CCDC148: variants seen among roughly 807,000 people sequenced by gnomAD.
The protein encoded by CCDC148 is coiled-coil domain containing 148, also known as coiled-coil domain-containing protein 148.
Under a neutral mutation model 85.7 loss-of-function variants are expected in CCDC148, and 89 were observed. That is an observed-to-expected ratio of 1.04 (90% CI 0.87 to 1.24). CCDC148 has a LOEUF of 1.24. CCDC148 is among the 50% of genes most tolerant of loss of function. The pLI is 0.00. For synonymous variants in CCDC148, 230 were observed against 213.9 expected (o/e 1.08, Z -0.66); for missense variants, 692 against 671.7 (o/e 1.03, Z -0.33).
chr2:158,326,106 C>G (rs974619607), intron 7 of CCDC148, among the ~76,000 whole-genome samples: 2 of 152,108 alleles, frequency 1.3e-5, no homozygotes, highest in African/African-American at 4.8e-5. Context: ...TGTCCTGCCC[C>G]CCATCCATAC....
chr2:158,274,739 G>A (rs947064964), intron 9 of CCDC148, among the ~76,000 whole-genome samples: 1 of 152,194 alleles, frequency 6.6e-6, no homozygotes, highest in African/African-American at 2.4e-5. Flanking sequence ...TAGCAGGAAA[G>A]TAACATGGTC....
At chr2:158,303,213 A>C (rs1331795906) in intron 9 of CCDC148, among the ~76,000 whole-genome samples, 9 of 152,224 alleles carry the variant, frequency 5.9e-5, no homozygotes. Flanking sequence ...TAGCTGGCAT[A>C]TTAGTTTTAG....
chr2:158,363,791 A>G (rs1022551596), intron 1 of CCDC148, among the ~76,000 whole-genome samples: 1 of 152,196 alleles, frequency 6.6e-6, no homozygotes, highest in Non-Finnish European at 1.5e-5. Flanking sequence ...CCTATTCAAC[A>G]TAGTGTTGGA....
At chr2:158,390,732 A>G (rs1378121448) in intron 1 of CCDC148, among the ~76,000 whole-genome samples, 1 of 152,182 alleles carries the variant, frequency 6.6e-6, no homozygotes, top group Non-Finnish European at 1.5e-5. Context: ...ACCAGGCTGC[A>G]TTCTAGCCTT....
intron 9 of CCDC148, among the ~76,000 whole-genome samples, chr2:158,283,506 C>G (rs951730752): frequency 2.6e-5 from 4 of 152,142 alleles, no homozygotes; most frequent in Non-Finnish European, 5.9e-5. Context: ...ATTTATGCAG[C>G]CAAAAGACAC....
intron 1 of CCDC148, among the ~76,000 whole-genome samples, chr2:158,427,668 G>A (rs1054382670): frequency 2.6e-5 from 4 of 151,968 alleles, no homozygotes; most frequent in Admixed American, 1.3e-4. Flanking sequence ...TCAGGAGTTC[G>A]AGACCAGCCT....
chr2:158,284,058 T>C (rs561721284), intron 9 of CCDC148, among the ~76,000 whole-genome samples: 5 of 142,108 alleles, frequency 3.5e-5, no homozygotes, highest in Admixed American at 1.5e-4. Flanking sequence ...TTCTCACTCA[T>C]ACGTGGGAAT....
chr2:158,430,542 G>A (rs1393743547), intron 1 of CCDC148, among the ~76,000 whole-genome samples: 1 of 151,968 alleles, frequency 6.6e-6, no homozygotes, highest in Non-Finnish European at 1.5e-5. Context: ...AATAAGACCT[G>A]GTATTCTACA....
At position 158,402,369 on chromosome 2, in the gene CCDC148, G is replaced by A. The variant is rs146634789; in HGVS notation, c.26-43799C>T. On this transcript the variant is annotated intron_variant, in intron 1 of 13. Transcript: ENST00000283233. ...TAATTTTCCTTATATGATTAAGGAAGTTTGTGTTGCTTGTTCTTTGTTCGT... is the reference window on the plus strand; with the variant it reads ...TAATTTTCCTTATATGATTAAGGAAATTTGTGTTGCTTGTTCTTTGTTCGT... 4.6e-3 allele frequency among the ~76,000 whole-genome samples: 698 copies of A among 151,150 alleles called. 1 individual carries two copies. The highest frequency in any genetic ancestry group is 0.015 in the African/African-American group (637 of 41,194).
intron 1 of CCDC148, among the ~76,000 whole-genome samples, chr2:158,409,977 T>C (rs971616896): frequency 6.6e-6 from 1 of 152,188 alleles, no homozygotes; most frequent in African/African-American, 2.4e-5. Context: ...GCCACCACCA[T>C]GTAAGATGTG....
intron 7 of CCDC148, among the ~76,000 whole-genome samples, chr2:158,322,354 T>C (rs1692559862): frequency 6.6e-6 from 1 of 152,090 alleles, no homozygotes; most frequent in South Asian, 2.1e-4. Flanking sequence ...ATTTAATACA[T>C]GACCTAAATC....
At chr2:158,366,623 G>A (rs1684216412) in intron 1 of CCDC148, among the ~76,000 whole-genome samples, 1 of 152,138 alleles carries the variant, frequency 6.6e-6, no homozygotes, top group Non-Finnish European at 1.5e-5. Flanking sequence ...CCCAGTGACT[G>A]AGGAAGGCAG....
At chr2:158,414,187 TA>T (rs1686390000) in intron 1 of CCDC148, among the ~76,000 whole-genome samples, 1 of 152,182 alleles carries the variant, frequency 6.6e-6, no homozygotes, top group African/African-American at 2.4e-5. Flanking sequence ...GTGTTAGGCA[TA>T]AAATCTAAAA....
intron 1 of CCDC148, among the ~76,000 whole-genome samples, chr2:158,365,644 T>G (rs1215373676): frequency 6.6e-6 from 1 of 151,774 alleles, no homozygotes; most frequent in African/African-American, 2.4e-5. Flanking sequence ...CATCACACAC[T>G]GGGGCCTGTC....
At chr2:158,277,225 C>T (rs1306520955) in intron 9 of CCDC148, among the ~76,000 whole-genome samples, 1 of 152,158 alleles carries the variant, frequency 6.6e-6, no homozygotes, top group Non-Finnish European at 1.5e-5. Flanking sequence ...GGGATGATAA[C>T]ATTTGCATAA....
chr2:158,425,714 C>G (rs1687045553), intron 1 of CCDC148, among the ~76,000 whole-genome samples: 1 of 152,094 alleles, frequency 6.6e-6, no homozygotes, highest in African/African-American at 2.4e-5. Context: ...TATAAATAGC[C>G]AGCCACAGTG....
At chr2:158,193,342 A>T (rs1221406503) in intron 11 of CCDC148, among the ~76,000 whole-genome samples, 1 of 152,114 alleles carries the variant, frequency 6.6e-6, no homozygotes, top group Non-Finnish European at 1.5e-5. Flanking sequence ...ACCTTTCTGC[A>T]AATAAGACAA....
intron 9 of CCDC148, among the ~76,000 whole-genome samples, chr2:158,261,588 C>T (rs981241548): frequency 2.0e-5 from 3 of 151,890 alleles, no homozygotes; most frequent in African/African-American, 7.3e-5. Flanking sequence ...AGACAACCTA[C>T]AGAATGGGAG....
intron 7 of CCDC148, among the ~76,000 whole-genome samples, chr2:158,316,072 C>T (rs1044101201): frequency 6.6e-6 from 1 of 152,136 alleles, no homozygotes; most frequent in Admixed American, 6.5e-5. Context: ...TAGAACCTAC[C>T]CTAAGATAAT....
Sources: gnomAD v4.1 joint callset for allele counts (sites outside exome capture counted in the v4.1 genomes callset) on GRCh38, gnomAD v4.1.1 for gene constraint, MANE v1.5 for transcripts, NCBI Gene and HGNC (gene_info 2026-07-23, HGNC 2026-07-21) for gene names.